The following DMRT1 variants were observed in gnomAD, a reference collection of about 807,000 sequenced individuals.
The protein encoded by DMRT1 is doublesex- and mab-3-related transcription factor 1.
In DMRT1, 7 loss-of-function variants were observed where a neutral mutation model predicts 32.3. The ratio of observed to expected loss-of-function variants is 0.22; its 90% confidence interval spans 0.12 to 0.41. DMRT1 has a LOEUF of 0.41. Ranked by LOEUF, DMRT1 falls within the 10% of genes least tolerant of loss-of-function variation. DMRT1 has a pLI of 1.00. For missense variants in DMRT1, 625 were observed against 500.5 expected (o/e 1.25, Z -2.37); for synonymous variants, 278 against 206.1 (o/e 1.35, Z -2.99).
rs774790007 is a variant in DMRT1, at chr9:894,100, G to A, written c.727G>A (p.Glu243Lys). 6.2e-7 allele frequency: 1 copy of A among 1,614,128 alleles called. No homozygotes were observed. Among genetic ancestry groups the A allele is most frequent in the African/African-American group, 1.3e-5 (1 of 74,936 alleles). The change falls in exon 3 of 5, where the codon GAG becomes AAG. Residue 243 changes from glutamate (E) to lysine (K), a missense_variant. By Grantham distance (56) the Glu-to-Lys change is moderately conservative (BLOSUM62 1). This residue lies in a region of DMRT1 where 416 missense variants were observed against 321.6 expected (regional missense o/e 1.29). Coordinates refer to ENST00000382276, the MANE Select transcript of DMRT1 (RefSeq NM_021951.3). ...CTTGGCTGCTGATTCTGCTTCTGGG[G>A]AGGTGGGAAATCCCCTCGGGGGATC... is the stretch of plus-strand genomic sequence containing the variant. ...MALAADSASGEVGNPLGGSPV... is the reference protein window; with the variant it reads ...MALAADSASGKVGNPLGGSPV...
intron 2 of DMRT1, among the ~76,000 whole-genome samples, chr9:855,635 T>C (rs1184606394): frequency 6.6e-6 from 1 of 152,262 alleles, no homozygotes; most frequent in African/African-American, 2.4e-5. Context: ...TTTTTTTCTT[T>C]TTGAGACAGG....
chr9:888,829 A>G (rs763029274), intron 2 of DMRT1, among the ~76,000 whole-genome samples: 23 of 152,202 alleles, frequency 1.5e-4, no homozygotes, highest in Middle Eastern at 3.4e-3. Context: ...CAGTTTTAGC[A>G]CATCAGAATC....
At chr9:911,476 T>TG (rs1564245149) in intron 3 of DMRT1, among the ~76,000 whole-genome samples, 1,787 of 46,408 alleles carry the variant, frequency 0.039, 41 homozygotes, top group African/African-American at 0.22. Context: ...TTGCATTTTT[T>TG]TTTTTTTTTT....
At chr9:912,885 C>G (rs191147735) in intron 3 of DMRT1, among the ~76,000 whole-genome samples, 3 of 152,286 alleles carry the variant, frequency 2.0e-5, no homozygotes, top group East Asian at 3.9e-4. Context: ...GGCATCAGTA[C>G]TGAGTTCCCT....
intron 2 of DMRT1, among the ~76,000 whole-genome samples, chr9:892,768 G>A (rs1817202304): frequency 1.3e-5 from 2 of 152,070 alleles, no homozygotes; most frequent in Admixed American, 6.6e-5. Flanking sequence ...CTGGACTGAG[G>A]CCCGCCTCAC....
chr9:910,479 T>C (rs923420480), intron 3 of DMRT1, among the ~76,000 whole-genome samples: 7 of 152,126 alleles, frequency 4.6e-5, no homozygotes, highest in African/African-American at 9.7e-5. Flanking sequence ...CAGGCACTCA[T>C]CTAAACTGTT....
At chr9:890,918 C>T (rs533667482) in intron 2 of DMRT1, among the ~76,000 whole-genome samples, 1 of 151,546 alleles carries the variant, frequency 6.6e-6, no homozygotes, top group African/African-American at 2.4e-5. Flanking sequence ...TTAGTGGAGA[C>T]GGGGTTTCAC....
chr9:860,411 C>T (rs10815894), intron 2 of DMRT1, among the ~76,000 whole-genome samples: 13 of 74,608 alleles, frequency 1.7e-4, no homozygotes, highest in Non-Finnish European at 5.6e-4. Flanking sequence ...GAATTGAATT[C>T]ATCTCTGCTG....
At chr9:924,140 C>T (rs1048602758) in intron 4 of DMRT1, among the ~76,000 whole-genome samples, 3 of 148,912 alleles carry the variant, frequency 2.0e-5, no homozygotes, top group East Asian at 4.0e-4. Flanking sequence ...GGCATGATCT[C>T]GGCTGACTGC....
intron 4 of DMRT1, among the ~76,000 whole-genome samples, chr9:935,599 T>C (rs1485269484): frequency 6.6e-6 from 1 of 152,234 alleles, no homozygotes; most frequent in African/African-American, 2.4e-5. Context: ...GTACTACATT[T>C]CTATCAGCAC....
At chr9:849,827 CTCT>C (rs1469985459) in intron 2 of DMRT1, among the ~76,000 whole-genome samples, 11 of 61,820 alleles carry the variant, frequency 1.8e-4, no homozygotes, top group Non-Finnish European at 2.7e-4. Context: ...CTCTCTCTCT[CTCT>C]TTTTTTTTTT....
intron 3 of DMRT1, among the ~76,000 whole-genome samples, chr9:911,723 C>G (rs1328238811): frequency 3.3e-5 from 5 of 152,076 alleles, no homozygotes; most frequent in Non-Finnish European, 1.5e-5. Context: ...AACTCCTGAC[C>G]TCAGGTGATC....
At chr9:853,004 T>C (rs4740943) in intron 2 of DMRT1, among the ~76,000 whole-genome samples, 64,455 of 152,088 alleles carry the variant, frequency 0.42, 13,845 homozygotes, top group East Asian at 0.59. Context: ...GAAAATGGAA[T>C]AGTATCCCAT....
intron 4 of DMRT1, among the ~76,000 whole-genome samples, chr9:928,551 A>C (rs1452061361): frequency 1.3e-5 from 2 of 152,194 alleles, no homozygotes; most frequent in Non-Finnish European, 2.9e-5. Flanking sequence ...AGAAACAATC[A>C]CAGGTGTATG....
intron 4 of DMRT1, among the ~76,000 whole-genome samples, chr9:930,518 T>TCTC (rs568909397): frequency 0.01 from 1,557 of 152,132 alleles, 14 homozygotes; most frequent in South Asian, 0.032. Context: ...TTCATGCCAT[T>TCTC]CTGCCTCAGC....
At chr9:887,934 A>G (rs1255461955) in intron 2 of DMRT1, among the ~76,000 whole-genome samples, 1 of 152,240 alleles carries the variant, frequency 6.6e-6, no homozygotes, top group African/African-American at 2.4e-5. Flanking sequence ...TTGTTATATG[A>G]TAACTAGTGA....
At chr9:960,379 A>G (rs777942288) in intron 4 of DMRT1, among the ~76,000 whole-genome samples, 5 of 152,338 alleles carry the variant, frequency 3.3e-5, no homozygotes, top group Middle Eastern at 6.8e-3. Flanking sequence ...TTTAATAAAA[A>G]TCCTATTAAT....
intron 4 of DMRT1, among the ~76,000 whole-genome samples, chr9:926,850 G>A (rs1175045003): frequency 6.6e-6 from 1 of 152,242 alleles, no homozygotes; most frequent in African/African-American, 2.4e-5. Context: ...GTGGCAGTGA[G>A]TTCCATCCCT....
chr9:858,314 G>A (rs74464566), intron 2 of DMRT1, among the ~76,000 whole-genome samples: 7,637 of 152,028 alleles, frequency 0.05, 652 homozygotes, highest in African/African-American at 0.18. Context: ...GCTGCCTTAC[G>A]CTTGCTGCCA....
Sources: allele counts gnomAD v4.1 joint callset (sites outside exome capture counted in the v4.1 genomes callset), GRCh38; gene constraint gnomAD v4.1.1; regional missense constraint gnomAD v4.1.1; transcripts MANE v1.5; gene names NCBI Gene and HGNC (gene_info 2026-07-23, HGNC 2026-07-21).